Variants in NBEA observed in about 807,000 individuals in gnomAD.
NBEA encodes neurobeachin.
In NBEA, 44 loss-of-function variants were observed where a neutral mutation model predicts 343.4. The ratio of observed to expected loss-of-function variants is 0.13; its 90% CI spans 0.10 to 0.16. The LOEUF is 0.16. NBEA is among the 10% of genes least tolerant of loss of function. NBEA has a pLI of 1.00. For missense variants in NBEA, 2,555 were observed against 3,631.3 expected (o/e 0.70, Z 7.62); for synonymous variants, 1,175 against 1,238.7 (o/e 0.95, Z 1.08).
chr13:35,416,776 C>T (rs2043938946), intron 38 of NBEA, among the ~76,000 whole-genome samples: 3 of 152,126 alleles, frequency 2.0e-5, no homozygotes, highest in Admixed American at 2.0e-4. Context: ...AGGATTCCCT[C>T]TTTTTCTATT....
chr13:35,169,336 T>G (rs2070285081), intron 25 of NBEA, among the ~76,000 whole-genome samples: 1 of 151,546 alleles, frequency 6.6e-6, no homozygotes, highest in African/African-American at 2.4e-5. Flanking sequence ...TGATCTTTAT[T>G]TTTTAGCCCT....
At chr13:35,652,265 A>C (rs2084560596) in intron 53 of NBEA, among the ~76,000 whole-genome samples, 1 of 151,864 alleles carries the variant, frequency 6.6e-6, no homozygotes, top group South Asian at 2.1e-4. Flanking sequence ...TGATGGGTGC[A>C]GCAAACCAAC....
At chr13:35,496,427 G>A (rs1288276744) in intron 41 of NBEA, among the ~76,000 whole-genome samples, 1 of 151,764 alleles carries the variant, frequency 6.6e-6, no homozygotes, top group South Asian at 2.1e-4. Flanking sequence ...TTGAGCCCAG[G>A]GGTTTGAGAC....
In NBEA at chr13:35,131,056, C is replaced by T. The variant is rs1381718724; in HGVS notation, c.2336+7482C>T. On this transcript the variant is annotated intron_variant, in intron 17 of 58. Coordinates refer to ENST00000379939, the MANE Select transcript of NBEA (RefSeq NM_001385012.1). ...TTAGGTTTTCATTTTTCTAGGTTCT[C>T]GGTTATGCTTACCTCATTAATTGTC... Among the ~76,000 whole-genome samples the T allele has an allele frequency of 2.0e-5, 3 of 151,734 alleles. No homozygotes were observed. In the South Asian group the frequency reaches 6.3e-4, roughly 32 times the overall value.
intron 31 of NBEA, among the ~76,000 whole-genome samples, chr13:35,198,126 A>G (rs1243767045): frequency 3.3e-5 from 5 of 152,128 alleles, no homozygotes; most frequent in Admixed American, 2.6e-4. Context: ...GTTCATTCAT[A>G]TAGTGATGTT....
Position 35,550,946 on chromosome 13 carries a change from T to C in NBEA, c.6720T>C (p.Asn2240=), listed in dbSNP as rs370548196. The C allele has an allele frequency of 3.1e-6, 5 of 1,606,912 alleles. No individual in the cohort carries two copies. Among genetic ancestry groups the C allele is most frequent in the Non-Finnish European group, 4.3e-6 (5 of 1,174,488 alleles). The change falls in exon 43 of 59, where the codon AAT becomes AAC. Residue 2240 remains asparagine, a synonymous_variant. Coordinates refer to ENST00000379939, the MANE Select transcript of NBEA (RefSeq NM_001385012.1). ...FMANRTSVMF[N]FPDQATVKKV... is the part of the protein sequence containing the mutation. Reference sequence around the variant, plus strand: ...TTACCACAGCCTCAGTTATGTTTAATTTCCCTGATCAAGCAACAGTAAAAA... The same window carrying C: ...TTACCACAGCCTCAGTTATGTTTAACTTCCCTGATCAAGCAACAGTAAAAA...
chr13:35,291,529 T>A (rs1041713001), intron 35 of NBEA, among the ~76,000 whole-genome samples: 11 of 151,840 alleles, frequency 7.2e-5, no homozygotes, highest in African/African-American at 2.7e-4. Context: ...TGTGAGGAGG[T>A]CGTCTGCAGG....
At chr13:34,986,013 G>T (rs977552728) in intron 1 of NBEA, among the ~76,000 whole-genome samples, 2 of 150,340 alleles carry the variant, frequency 1.3e-5, no homozygotes, top group Admixed American at 1.3e-4. Context: ...TTTTTGAAGG[G>T]TTTTTTTGTG....
chr13:35,545,534 G>A (rs1164314062), intron 41 of NBEA, among the ~76,000 whole-genome samples: 1 of 152,184 alleles, frequency 6.6e-6, no homozygotes, highest in Non-Finnish European at 1.5e-5. Flanking sequence ...CATATTTGCA[G>A]TATTTTCCAG....
intron 38 of NBEA, among the ~76,000 whole-genome samples, chr13:35,380,533 A>T (rs1017932012): frequency 1.3e-5 from 2 of 152,162 alleles, no homozygotes; most frequent in Admixed American, 1.3e-4. Context: ...TGTAGGTGTT[A>T]GATATTTTTT....
intron 30 of NBEA, chr13:35,185,885 T>C (rs2071665918): frequency 6.6e-6 from 1 of 152,144 alleles, no homozygotes; most frequent in Non-Finnish European, 1.5e-5. Context: ...CTGTCAAATA[T>C]TTTTCATGAA....
chr13:34,956,083 A>C (rs117689493), intron 1 of NBEA, among the ~76,000 whole-genome samples: 1 of 152,168 alleles, frequency 6.6e-6, no homozygotes, highest in Admixed American at 6.5e-5. Context: ...ACCTGTGCAC[A>C]TGGTAGGCAT....
intron 47 of NBEA, among the ~76,000 whole-genome samples, chr13:35,603,908 C>G (rs1031562601): frequency 2.0e-5 from 3 of 152,200 alleles, no homozygotes; most frequent in African/African-American, 7.2e-5. Context: ...TTTACTAATT[C>G]CTCATGTTTT....
intron 33 of NBEA, among the ~76,000 whole-genome samples, chr13:35,230,409 A>G (rs1445254580): frequency 6.6e-6 from 1 of 152,154 alleles, no homozygotes; most frequent in East Asian, 1.9e-4. Context: ...ATTAAATCCA[A>G]TAGCTATGAT....
intron 41 of NBEA, among the ~76,000 whole-genome samples, chr13:35,496,500 G>A (rs1039913757): frequency 6.6e-6 from 1 of 151,640 alleles, no homozygotes; most frequent in African/African-American, 2.4e-5. Context: ...CAGGCATAGT[G>A]GTGCACACCT....
At chr13:35,668,283 A>G (rs2085450012) in intron 57 of NBEA, 85 bp from the exon 58 acceptor site, 4 of 1,397,956 alleles carry the variant, frequency 2.9e-6, no homozygotes, top group African/African-American at 1.4e-5. Flanking sequence ...ACAGTTGGCT[A>G]TTTAGGAAAA....
chr13:35,484,348 T>C (rs2076235686), intron 41 of NBEA, among the ~76,000 whole-genome samples: 1 of 151,652 alleles, frequency 6.6e-6, no homozygotes, highest in Non-Finnish European at 1.5e-5. Context: ...AGACCAAGTT[T>C]AAATTTTTTG....
At chr13:34,981,491 CAATT>C (rs1231020711) in intron 1 of NBEA, among the ~76,000 whole-genome samples, 1 of 152,100 alleles carries the variant, frequency 6.6e-6, no homozygotes, top group Non-Finnish European at 1.5e-5. Flanking sequence ...TTGCCACTGA[CAATT>C]GATTTTTGAA....
At chr13:35,100,156 A>G (rs2065569623) in intron 11 of NBEA, among the ~76,000 whole-genome samples, 1 of 152,140 alleles carries the variant, frequency 6.6e-6, no homozygotes, top group African/African-American at 2.4e-5. Context: ...AATGTGGTAT[A>G]TACATCAATT....
Sources: gnomAD v4.1 joint callset for allele counts (sites outside exome capture counted in the v4.1 genomes callset) on GRCh38, gnomAD v4.1.1 for gene constraint, MANE v1.5 for transcripts, NCBI Gene and HGNC (gene_info 2026-07-23, HGNC 2026-07-21) for gene names.